Variants in GSPT1 observed in about 807,000 individuals in gnomAD.
The protein encoded by GSPT1 is G1 to S phase transition 1.
A neutral mutation model predicts 72.5 loss-of-function variants in GSPT1; 20 were observed. The ratio of observed to expected loss-of-function variants is 0.28; its 90% CI spans 0.19 to 0.40. GSPT1 has a LOEUF of 0.40. GSPT1 is among the 10% of genes least tolerant of loss of function. The pLI, the probability that GSPT1 is intolerant of heterozygous loss-of-function variation, is 1.00. For synonymous variants in GSPT1, 334 were observed against 293.5 expected (o/e 1.14, Z -1.41); for missense variants, 580 against 811.9 (o/e 0.71, Z 3.47).
At chr16:11,891,671 T>G (rs959157800) in intron 5 of GSPT1, among the ~76,000 whole-genome samples, 63 of 149,876 alleles carry the variant, frequency 4.2e-4, no homozygotes, top group African/African-American at 1.5e-3. Context: ...CATATTTTTT[T>G]TTTTTTTTTG....
rs965213944 is a variant in GSPT1 at position 11,871,389 on chromosome 16, GA to G, written c.*1729del. On this transcript the variant is annotated 3_prime_UTR_variant, in exon 15 of 15. Coordinates refer to ENST00000434724, the MANE Select transcript of GSPT1 (RefSeq NM_002094.4). ...TTGAGACCAGCCTGACCAATAGGGG[GA>G]AACCTCGTCTCCACTAAAGATACAA... 6.6e-6 allele frequency: 1 copy of G among 152,134 alleles called. No homozygotes were observed. Among genetic ancestry groups the G allele is most frequent in the African/African-American group, 2.4e-5 (1 of 41,414 alleles). The allele number at this position is 152,134 out of a possible 1,614,324, so 9.4% of individuals were successfully genotyped here. A position where few individuals can be genotyped will look rare whatever the true frequency, so the allele number is the denominator to read the frequency against.
intron 9 of GSPT1, among the ~76,000 whole-genome samples, chr16:11,885,713 G>C (rs1364780599): frequency 2.0e-5 from 3 of 152,132 alleles, no homozygotes; most frequent in Non-Finnish European, 4.4e-5. Flanking sequence ...GGGCAACATG[G>C]TGAATCTGTC....
rs1187592055 is a variant in GSPT1 at position 11,870,807 on chromosome 16, T to A, written c.*2312A>T. On this transcript the variant is annotated 3_prime_UTR_variant, in exon 15 of 15. Coordinates refer to ENST00000434724, the MANE Select transcript of GSPT1 (RefSeq NM_002094.4). ...CAAGAATCCAGTGGAATTTTTACAGTTACATTTGTATTTGTATGACCTGTT... is the reference window on the plus strand; with the variant it reads ...CAAGAATCCAGTGGAATTTTTACAGATACATTTGTATTTGTATGACCTGTT... 1 of 152,236 alleles carries A rather than the reference T, an allele frequency of 6.6e-6. No homozygotes were observed. Among genetic ancestry groups the A allele is most frequent in the Non-Finnish European group, 1.5e-5 (1 of 68,034 alleles). The allele number at this position is 152,236 out of a possible 1,614,324, so 9.4% of individuals were successfully genotyped here. A position where few individuals can be genotyped will look rare whatever the true frequency, so the allele number is the denominator to read the frequency against.
At chr16:11,910,486 G>C (rs1216797391) in intron 1 of GSPT1, among the ~76,000 whole-genome samples, 1 of 152,122 alleles carries the variant, frequency 6.6e-6, no homozygotes, top group Non-Finnish European at 1.5e-5. Context: ...TTAATGAGTC[G>C]CTAGTACATA....
chr16:11,902,404 CAAAAA>C (rs775362322), intron 1 of GSPT1, among the ~76,000 whole-genome samples: 2 of 61,570 alleles, frequency 3.2e-5, no homozygotes, highest in East Asian at 1.3e-3. Flanking sequence ...GACTCTGTCT[CAAAAA>C]AAAAAAAAAA....
At position 11,891,017 on chromosome 16, in the gene GSPT1, G is replaced by A. The variant is rs779973837; in HGVS notation, c.776+45C>T. 84 of 839,802 alleles carry A rather than the reference G, an allele frequency of 1.0e-4. 1 individual carries two copies. In the Admixed American group the frequency reaches 1.3e-3, roughly 13 times the overall value. The allele number at this position is 839,802 out of a possible 1,614,324, so 52.0% of individuals were successfully genotyped here. A position where few individuals can be genotyped will look rare whatever the true frequency, so the allele number is the denominator to read the frequency against. On this transcript the variant is annotated intron_variant, in intron 6 of 14. Transcript: ENST00000434724. Reference sequence around the variant, plus strand: ...GCTCCAAAAGCACTAAGTGGGCATCGTCTCCTTAAAAGTAATTTATAAGTG... The same window carrying A: ...GCTCCAAAAGCACTAAGTGGGCATCATCTCCTTAAAAGTAATTTATAAGTG...
intron 11 of GSPT1, among the ~76,000 whole-genome samples, chr16:11,879,105 AT>A (rs1307805500): frequency 5.8e-4 from 2 of 3,474 alleles, no homozygotes; most frequent in African/African-American, 1.0e-3. Context: ...AATAATAATA[AT>A]AAAAAAAAGG....
Position 11,873,112 on chromosome 16 carries a change from A to C in GSPT1, c.*7T>G, listed in dbSNP as rs781568961. 2 of 1,560,818 alleles carry C rather than the reference A, an allele frequency of 1.3e-6. No homozygotes were observed. The highest frequency in any genetic ancestry group is 3.3e-5 in the Admixed American group (2 of 59,814). The stretch of plus-strand genomic sequence containing the variant: ...CACAGTATTGTGCAGGGTCATCAAG[A>C]AAATGCTTAGTCTTTCTCTGGAACC... On this transcript the variant is annotated 3_prime_UTR_variant, in exon 15 of 15. Transcript: ENST00000434724.
chr16:11,892,632 G>A (rs1393115773), intron 5 of GSPT1, among the ~76,000 whole-genome samples: 1 of 150,568 alleles, frequency 6.6e-6, no homozygotes, highest in East Asian at 2.0e-4. Flanking sequence ...TTCAAGACCA[G>A]CCTGACCAAC....
At chr16:11,891,640 G>A (rs999588270) in intron 5 of GSPT1, among the ~76,000 whole-genome samples, 22 of 151,414 alleles carry the variant, frequency 1.5e-4, no homozygotes, top group African/African-American at 4.6e-4. Flanking sequence ...GGGATTACAG[G>A]CGTGAGCCAC....
At chr16:11,911,555 T>C (rs2054556968) in intron 1 of GSPT1, among the ~76,000 whole-genome samples, 1 of 70,430 alleles carries the variant, frequency 1.4e-5, no homozygotes, top group Admixed American at 1.1e-4. Context: ...CCAGCTATTT[T>C]TTTTTTTTTT....
intron 14 of GSPT1, among the ~76,000 whole-genome samples, chr16:11,874,106 T>G (rs995913220): frequency 1.3e-5 from 2 of 152,118 alleles, no homozygotes; most frequent in African/African-American, 4.8e-5. Flanking sequence ...AATGGTTGCC[T>G]GGGGTGGAGG....
chr16:11,884,849 A>T (rs1383720938), intron 10 of GSPT1, among the ~76,000 whole-genome samples: 5 of 151,782 alleles, frequency 3.3e-5, no homozygotes, highest in Non-Finnish European at 7.4e-5. Context: ...CAGGTGGATC[A>T]CAAGGTCAGG....
intron 1 of GSPT1, among the ~76,000 whole-genome samples, chr16:11,910,738 C>G (rs1228395243): frequency 6.6e-6 from 1 of 152,194 alleles, no homozygotes; most frequent in African/African-American, 2.4e-5. Context: ...TGTCTTTTCA[C>G]GCTGTGCAAC....
rs780952472 is a variant in GSPT1 at position 11,915,725 on chromosome 16, G to T, written c.-5C>A. On this transcript the variant is annotated 5_prime_UTR_variant, in exon 1 of 15. Transcript: ENST00000434724. ...GCCGCCACTGCCCGGATCCATGATC[G>T]GGGGGGCCGTGTGTGTGGTGGACAG... is the stretch of plus-strand genomic sequence containing the variant. The T allele has an allele frequency of 7.3e-6, 11 of 1,512,214 alleles. No homozygotes were observed. In the South Asian group the frequency reaches 1.3e-4, roughly 18 times the overall value. The allele number at this position is 1,512,214 out of a possible 1,614,324, so 93.7% of individuals were successfully genotyped here. A position where few individuals can be genotyped will look rare whatever the true frequency, so the allele number is the denominator to read the frequency against.
intron 11 of GSPT1, chr16:11,882,447 T>C (rs966140036): frequency 6.6e-6 from 1 of 152,530 alleles, no homozygotes; most frequent in African/African-American, 2.4e-5. Flanking sequence ...GTGCCAATTA[T>C]GTCTAAATAT....
chr16:11,895,642 A>C (rs33639), intron 4 of GSPT1: 79,173 of 151,428 alleles, frequency 0.52, 22,538 homozygotes, highest in East Asian at 0.82. Flanking sequence ...TTTTTTCCCC[A>C]CGAGACGGAA....
At chr16:11,908,266 A>G (rs2054512514) in intron 1 of GSPT1, 1 of 152,112 alleles carries the variant, frequency 6.6e-6, no homozygotes, top group Admixed American at 6.6e-5. Flanking sequence ...ACAAAAAACC[A>G]TTTAAATAAC....
intron 1 of GSPT1, among the ~76,000 whole-genome samples, chr16:11,912,735 T>C (rs368786808): frequency 1.3e-5 from 2 of 152,236 alleles, no homozygotes; most frequent in African/African-American, 2.4e-5. Context: ...CTTGTTCTAA[T>C]ATACATTAAG....
Sources: gnomAD v4.1 joint callset for allele counts (sites outside exome capture counted in the v4.1 genomes callset) on GRCh38, gnomAD v4.1.1 for gene constraint, MANE v1.5 for transcripts, NCBI Gene and HGNC (gene_info 2026-07-23, HGNC 2026-07-21) for gene names.